The following MMP26 variants were observed in gnomAD, a reference collection of about 807,000 sequenced individuals.
MMP26 encodes the protein matrix metallopeptidase 26, also known as matrix metalloproteinase-26.
MMP26 carries 33 observed loss-of-function variants against 31.0 expected under a neutral mutation model. That is an observed-to-expected ratio of 1.06 (90% CI 0.81 to 1.42). The LOEUF is 1.42. MMP26 is among the 40% of genes most tolerant of loss of function. MMP26 has a pLI of 0.00. For missense variants in MMP26, 347 were observed against 316.1 expected, an observed-to-expected ratio of 1.10 and a Z score of -0.74; for synonymous variants, 122 against 114.9, an observed-to-expected ratio of 1.06 and a Z score of -0.40.
At chr11:4,822,581 G>C in intron 2 of MMP26, 1 of 418,592 alleles carries the variant, frequency 2.4e-6, no homozygotes, top group Non-Finnish European at 4.1e-6. Context: ...ATGAAGTGAA[G>C]AAACATATAT....
chr11:4,783,857 A>T (rs1338331518), intron 2 of MMP26, among the ~76,000 whole-genome samples: 1 of 152,134 alleles, frequency 6.6e-6, no homozygotes, highest in African/African-American at 2.4e-5. Flanking sequence ...GCTGCCATCC[A>T]TGTAAGATGT....
intron 1 of MMP26, among the ~76,000 whole-genome samples, chr11:4,754,183 T>C (rs1848479851): frequency 1.3e-5 from 2 of 151,634 alleles, no homozygotes; most frequent in South Asian, 4.1e-4. Flanking sequence ...AAAGATATGA[T>C]ATTGGAAATC....
At position 4,717,992 on chromosome 11, in the gene MMP26, AACTC is replaced by A. The variant is rs574926888; in HGVS notation, c.-217+12950_-217+12953del. ...TACATAAGTATATGTTTTTATATCT[AACTC>A]ACACTCGCTATGTGGTATGAAAATT... is the stretch of plus-strand genomic sequence containing the variant. On this transcript the variant is annotated intron_variant, in intron 1 of 7. Coordinates refer to ENST00000380390, the MANE Select transcript of MMP26 (RefSeq NM_021801.5). Among the ~76,000 whole-genome samples, 276 of 152,320 alleles carry A rather than the reference AACTC, an allele frequency of 1.8e-3. 1 individual carries two copies. The highest frequency in any genetic ancestry group is 6.5e-3 in the African/African-American group (270 of 41,578).
chr11:4,882,498 G>A, intron 2 of MMP26: 2 of 1,613,764 alleles, frequency 1.2e-6, no homozygotes, highest in Non-Finnish European at 8.5e-7. Context: ...AGCAGTTTTT[G>A]GGGACTGTTT....
At chr11:4,959,782 T>G (rs914516683) in intron 2 of MMP26, among the ~76,000 whole-genome samples, 1 of 152,238 alleles carries the variant, frequency 6.6e-6, no homozygotes, top group Admixed American at 6.5e-5. Flanking sequence ...CAGCCCTAAC[T>G]TGTTTATTGT....
chr11:4,763,325 T>C (rs1848591230), intron 1 of MMP26, among the ~76,000 whole-genome samples: 1 of 152,140 alleles, frequency 6.6e-6, no homozygotes, highest in Admixed American at 6.5e-5. Flanking sequence ...AGATGAGAAA[T>C]TTTCAGTTTT....
chr11:4,824,587 A>T (rs1489544681), intron 2 of MMP26, among the ~76,000 whole-genome samples: 1 of 152,088 alleles, frequency 6.6e-6, no homozygotes, highest in Non-Finnish European at 1.5e-5. Context: ...CTCTGTGAAG[A>T]CATTTCTCTT....
chr11:4,906,073 A>G (rs1850883604), intron 2 of MMP26, among the ~76,000 whole-genome samples: 3 of 152,214 alleles, frequency 2.0e-5, no homozygotes, highest in Non-Finnish European at 4.4e-5. Context: ...CATGAACACA[A>G]TACTACTGTA....
chr11:4,821,643 C>G (rs777163927), intron 2 of MMP26: 1 of 1,613,952 alleles, frequency 6.2e-7, no homozygotes, highest in South Asian at 1.1e-5. Flanking sequence ...CAGACCTGAG[C>G]TTGTCCCTGT....
chr11:4,793,523 G>A (rs983468237), intron 2 of MMP26, among the ~76,000 whole-genome samples: 3 of 152,130 alleles, frequency 2.0e-5, no homozygotes, highest in Admixed American at 6.6e-5. Flanking sequence ...TGTCTGTGTG[G>A]AATCATGATA....
chr11:4,816,796 T>G (rs7947080), intron 2 of MMP26, among the ~76,000 whole-genome samples: 1 of 145,942 alleles, frequency 6.9e-6, no homozygotes, highest in African/African-American at 2.5e-5. Context: ...CTCCGCCTCA[T>G]GGGTTCACGC....
At chr11:4,807,856 G>T (rs1481683065) in intron 2 of MMP26, among the ~76,000 whole-genome samples, 1 of 152,062 alleles carries the variant, frequency 6.6e-6, no homozygotes, top group Non-Finnish European at 1.5e-5. Context: ...CCAGGCTGGA[G>T]TGCAATGGTG....
At chr11:4,840,468 G>T (rs1849779085) in intron 2 of MMP26, among the ~76,000 whole-genome samples, 1 of 152,230 alleles carries the variant, frequency 6.6e-6, no homozygotes, top group South Asian at 2.1e-4. Context: ...GATTCATGTG[G>T]CTCAGAACAC....
intron 2 of MMP26, among the ~76,000 whole-genome samples, chr11:4,863,895 A>T (rs1850198958): frequency 6.6e-6 from 1 of 152,102 alleles, no homozygotes; most frequent in Non-Finnish European, 1.5e-5. Flanking sequence ...ACTTTTCTTC[A>T]TTTTAATTTT....
chr11:4,868,119 A>T (rs1195382988), intron 2 of MMP26, among the ~76,000 whole-genome samples: 2 of 152,160 alleles, frequency 1.3e-5, no homozygotes, highest in African/African-American at 4.8e-5. Flanking sequence ...GGAGGACATT[A>T]TCCTCAGCAA....
chr11:4,950,890 G>C (rs1295313061), intron 2 of MMP26, among the ~76,000 whole-genome samples: 2 of 123,570 alleles, frequency 1.6e-5, no homozygotes, highest in African/African-American at 5.5e-5. Flanking sequence ...AAATTGTGGT[G>C]AATATGTGGA....
At chr11:4,803,545 A>C in intron 2 of MMP26, 1 of 1,614,078 alleles carries the variant, frequency 6.2e-7, no homozygotes, top group Non-Finnish European at 8.5e-7. Context: ...GAGATTAGCA[A>C]ACAGGATGTG....
At position 4,945,989 on chromosome 11, in the gene MMP26, A is replaced by C. The variant is rs1192663891; in HGVS notation, c.-144-42079A>C. The stretch of plus-strand genomic sequence containing the variant: ...CTGAAATGGGGACATAAGGCAACGT[A>C]CTTCCTGTTTATAGTTCTATTCTCA... On this transcript the variant is annotated intron_variant, in intron 2 of 7. Coordinates refer to ENST00000380390, the MANE Select transcript of MMP26 (RefSeq NM_021801.5). 8 of 663,094 alleles carry C rather than the reference A, an allele frequency of 1.2e-5. No homozygotes were observed. In the East Asian group the frequency reaches 1.9e-4, roughly 16 times the overall value. The allele number at this position is 663,094 out of a possible 1,614,324, so 41.1% of individuals were successfully genotyped here.
At chr11:4,959,964 C>T (rs1564815502) in intron 2 of MMP26, among the ~76,000 whole-genome samples, 1 of 152,116 alleles carries the variant, frequency 6.6e-6, no homozygotes, top group Non-Finnish European at 1.5e-5. Flanking sequence ...TGCTGTGCTT[C>T]TGAGCTGTTA....
Sources: allele counts gnomAD v4.1 joint callset (sites outside exome capture counted in the v4.1 genomes callset), GRCh38; gene constraint gnomAD v4.1.1; transcripts MANE v1.5; gene names NCBI Gene and HGNC (gene_info 2026-07-23, HGNC 2026-07-21).